Variants in ITSN1 observed in about 807,000 individuals in gnomAD.
ITSN1 encodes the protein intersectin 1, also known as intersectin-1.
In ITSN1, 58 loss-of-function variants were observed where a neutral mutation model predicts 239.8. The observed-to-expected ratio is 0.24, with a 90% confidence interval of 0.20 to 0.30. The LOEUF is 0.30. Among genes scored for constraint, ITSN1 ranks in the 10% least tolerant of loss-of-function variants. ITSN1 has a pLI of 1.00. For synonymous variants in ITSN1, 780 were observed against 770.8 expected, an observed-to-expected ratio of 1.01 and a Z score of -0.20; for missense variants, 1,558 against 2,103.3, an observed-to-expected ratio of 0.74 and a Z score of 5.07.
At chr21:33,697,848 C>T (rs2091863831) in intron 1 of ITSN1, among the ~76,000 whole-genome samples, 1 of 152,136 alleles carries the variant, frequency 6.6e-6, no homozygotes, top group Admixed American at 6.5e-5. Context: ...GAATGGCTCT[C>T]CTATCTGCAT....
At chr21:33,828,378 ATGCTG>A (rs2074091327) in intron 26 of ITSN1, among the ~76,000 whole-genome samples, 1 of 152,258 alleles carries the variant, frequency 6.6e-6, no homozygotes, top group African/African-American at 2.4e-5. Flanking sequence ...CCAGTAGACC[ATGCTG>A]TGGCCTTTCT....
chr21:33,730,465 G>C (rs1478429309), intron 4 of ITSN1, among the ~76,000 whole-genome samples: 1 of 123,926 alleles, frequency 8.1e-6, no homozygotes, highest in Non-Finnish European at 1.6e-5. Context: ...GCAGTGACGT[G>C]ATCTCGGCTC....
chr21:33,826,047 G>A (rs1236958168), intron 25 of ITSN1, among the ~76,000 whole-genome samples: 2 of 152,152 alleles, frequency 1.3e-5, no homozygotes, highest in African/African-American at 4.8e-5. Flanking sequence ...AACAGATTCC[G>A]TTCTGGCTCC....
At chr21:33,828,530 A>G (rs940950168) in intron 26 of ITSN1, among the ~76,000 whole-genome samples, 21 of 152,260 alleles carry the variant, frequency 1.4e-4, no homozygotes, top group African/African-American at 5.1e-4. Context: ...CCAGAGTCTT[A>G]CTTGTTCCCT....
rs1036737363 is a variant in ITSN1 at position 33,818,492 on chromosome 21, C to T, written c.2933+20C>T. On this transcript the variant is annotated intron_variant, in intron 23 of 39. Transcript: ENST00000381318. ...TACAAGGTATTTTTGTATTTATCTG[C>T]TTGTATTTGATGAAAACAATATTAG... The T allele has an allele frequency of 3.2e-6, 5 of 1,578,632 alleles. No homozygotes were observed. The highest frequency in any genetic ancestry group is 4.4e-6 in the Non-Finnish European group (5 of 1,147,992).
At chr21:33,761,070 G>GTGTTT (rs1478364808) in intron 8 of ITSN1, among the ~76,000 whole-genome samples, 2 of 150,544 alleles carry the variant, frequency 1.3e-5, no homozygotes, top group Admixed American at 1.3e-4. Flanking sequence ...CATAGGAAAT[G>GTGTTT]TGTTTTGTTT....
At chr21:33,661,678 G>A (rs562080762) in intron 1 of ITSN1, among the ~76,000 whole-genome samples, 55 of 152,242 alleles carry the variant, frequency 3.6e-4, no homozygotes, top group African/African-American at 1.3e-3. Flanking sequence ...CGTTATGGGA[G>A]GGACCTGATG....
Position 33,890,664 on chromosome 21 carries a change from G to C in ITSN1, c.*2364G>C, listed in dbSNP as rs890266133. ...TCATGAGTTGTGTCACAGGGATTGA[G>C]AAACATGGGTGATGCATGGAGTCTC... On this transcript the variant is annotated 3_prime_UTR_variant, in exon 40 of 40. Coordinates refer to ENST00000381318, the MANE Select transcript of ITSN1 (RefSeq NM_003024.3). 5.9e-5 allele frequency: 9 copies of C among 152,200 alleles called. No individual in the cohort carries two copies. The highest frequency in any genetic ancestry group is 3.1e-3 in the Middle Eastern group (1 of 318). 9.4% of individuals were successfully genotyped at this position (152,200 alleles called of 1,614,324 possible).
At chr21:33,851,433 C>T (rs1978311835) in intron 29 of ITSN1, among the ~76,000 whole-genome samples, 1 of 151,846 alleles carries the variant, frequency 6.6e-6, no homozygotes, top group Admixed American at 6.6e-5. Context: ...GAGTCTCGCT[C>T]TGTCACCCAG....
At chr21:33,753,173 T>C (rs1346948070) in intron 7 of ITSN1, among the ~76,000 whole-genome samples, 1 of 152,200 alleles carries the variant, frequency 6.6e-6, no homozygotes, top group African/African-American at 2.4e-5. Flanking sequence ...GCGTGTGTTC[T>C]TAACTATGCA....
At chr21:33,781,140 C>T (rs1201924971) in intron 14 of ITSN1, among the ~76,000 whole-genome samples, 1 of 152,106 alleles carries the variant, frequency 6.6e-6, no homozygotes, top group Admixed American at 6.5e-5. Context: ...ATCCCGGTGC[C>T]ATTGGAAGAT....
intron 1 of ITSN1, among the ~76,000 whole-genome samples, chr21:33,709,209 A>G (rs2092341256): frequency 6.6e-6 from 1 of 152,222 alleles, no homozygotes; most frequent in African/African-American, 2.4e-5. Flanking sequence ...AACCCTTTGG[A>G]AAGAATGGCA....
intron 5 of ITSN1, among the ~76,000 whole-genome samples, chr21:33,744,444 C>T (rs977992626): frequency 8.5e-5 from 13 of 152,072 alleles, no homozygotes; most frequent in Non-Finnish European, 8.8e-5. Context: ...CACCACACCC[C>T]CCATTCTCTT....
chr21:33,677,731 G>A lies in ITSN1; in HGVS notation c.-33+35018G>A, dbSNP rs190797764. Among the ~76,000 whole-genome samples, 10 of 152,156 alleles carry A rather than the reference G, an allele frequency of 6.6e-5. No homozygotes were observed. The East Asian group carries it at 1.9e-3, about 29-fold the overall frequency. On this transcript the variant is annotated intron_variant, in intron 1 of 39. Transcript: ENST00000381318. ...AATAGCGCTGTCAAACACCCATTTA[G>A]GCAGGCCAGAAACTTCAAAGGTGTC... is the stretch of plus-strand genomic sequence containing the variant.
chr21:33,772,096 C>T lies in ITSN1; in HGVS notation c.1078C>T (p.Arg360Cys), dbSNP rs920288267. The stretch of plus-strand genomic sequence containing the variant: ...AGATAAGAAGCGGGAGAACTTTGAA[C>T]GTGGCAACCTGGAACTGGAGAAACG... Reference protein sequence around the residue: ...FEDKKRENFERGNLELEKRRQ... With the variant: ...FEDKKRENFECGNLELEKRRQ... The change falls in exon 12 of 40, where the codon CGT becomes TGT. Residue 360 changes from arginine (R) to cysteine (C), a missense_variant. Arg to Cys is a radical substitution (Grantham distance 180). This residue lies in a region of ITSN1 where 982 missense variants were observed against 1,209.9 expected (regional missense o/e 0.81). Coordinates refer to ENST00000381318, the MANE Select transcript of ITSN1 (RefSeq NM_003024.3). The T allele has an allele frequency of 1.9e-6, 3 of 1,614,148 alleles. No individual in the cohort carries two copies. Among genetic ancestry groups the T allele is most frequent in the Non-Finnish European group, 2.5e-6 (3 of 1,180,014 alleles).
rs1764520547 is a variant in ITSN1, at chr21:33,721,221, G to A, written c.72G>A (p.Lys24=). 6.2e-7 allele frequency: 1 copy of A among 1,613,488 alleles called. No homozygotes were observed. Among genetic ancestry groups the A allele is most frequent in the South Asian group, 1.1e-5 (1 of 91,076 alleles). ...IWAITVEERA[K]HDQQFHSLKP... is the part of the protein sequence containing the mutation. Reference sequence around the variant, plus strand: ...CCATAACTGTAGAGGAAAGAGCGAAGCATGATCAGCAGTTCCATAGTTTAA... The same window carrying A: ...CCATAACTGTAGAGGAAAGAGCGAAACATGATCAGCAGTTCCATAGTTTAA... Residue 24 remains lysine, a synonymous_variant, in exon 3 of 40, where the codon AAG becomes AAA. Coordinates refer to ENST00000381318, the MANE Select transcript of ITSN1 (RefSeq NM_003024.3).
chr21:33,864,886 T>C (rs1397736797), intron 31 of ITSN1, among the ~76,000 whole-genome samples: 2 of 151,576 alleles, frequency 1.3e-5, no homozygotes, highest in East Asian at 1.9e-4. Context: ...CCCATTTGAG[T>C]TGTTCAAGAA....
chr21:33,882,352 A>G lies in ITSN1; in HGVS notation c.4451A>G (p.Asn1484Ser). The change falls in exon 35 of 40, where the codon AAC becomes AGC. Residue 1484 changes from asparagine to serine, a missense_variant. Transcript: ENST00000381318. The surrounding 1 kb of genome is among the most constrained non-coding windows in gnomAD (Gnocchi z 4.5). ...SNKELYGFLFNDFLLLTQITK... is the reference protein window; with the variant it reads ...SNKELYGFLFSDFLLLTQITK... ...AAGGAGCTGTATGGCTTCCTTTTCA[A>G]CGACTTCCTCCTGCTGACTCAGATC... 2 of 1,614,176 alleles carry G rather than the reference A, an allele frequency of 1.2e-6. No individual in the cohort carries two copies. Among genetic ancestry groups the G allele is most frequent in the Non-Finnish European group, 1.7e-6 (2 of 1,180,026 alleles).
At chr21:33,762,673 T>A (rs2068431043) in intron 9 of ITSN1, among the ~76,000 whole-genome samples, 2 of 152,000 alleles carry the variant, frequency 1.3e-5, no homozygotes, top group African/African-American at 4.8e-5. Flanking sequence ...TTCATTATTA[T>A]TATTATTACT....
Sources: allele counts gnomAD v4.1 joint callset (sites outside exome capture counted in the v4.1 genomes callset), GRCh38; gene constraint gnomAD v4.1.1; regional missense constraint gnomAD v4.1.1; non-coding constraint Gnocchi (gnomAD v3.1); transcripts MANE v1.5; gene names NCBI Gene and HGNC (gene_info 2026-07-23, HGNC 2026-07-21).